TBC1D10A: variants seen among roughly 807,000 people sequenced by gnomAD.
TBC1D10A encodes the protein TBC1 domain family member 10A.
Under a neutral mutation model 52.9 loss-of-function variants are expected in TBC1D10A, and 24 were observed. The observed-to-expected ratio is 0.45, with a 90% CI of 0.33 to 0.64. TBC1D10A has a LOEUF of 0.64. Ranked by LOEUF, TBC1D10A falls within the 30% of genes least tolerant of loss-of-function variation. The pLI is 0.02. For synonymous variants in TBC1D10A, 278 were observed against 282.9 expected, an observed-to-expected ratio of 0.98 and a Z score of 0.17; for missense variants, 602 against 687.9, an observed-to-expected ratio of 0.88 and a Z score of 1.40.
At chr22:30,313,550 ATTTTTTTTTTTTTTTTTT>A (rs35640957) in intron 1 of TBC1D10A, among the ~76,000 whole-genome samples, 2 of 42,200 alleles carry the variant, frequency 4.7e-5, no homozygotes, top group Non-Finnish European at 7.4e-5. Flanking sequence ...CGGCCAGCTA[ATTTTTTTTTTTTTTTTTT>A]TTTTTTTTTT....
chr22:30,319,377 T>C (rs1930605392), intron 1 of TBC1D10A, among the ~76,000 whole-genome samples: 1 of 152,266 alleles, frequency 6.6e-6, no homozygotes, highest in South Asian at 2.1e-4. Context: ...TTCAGTTCTA[T>C]ATCTCTTGTC....
chr22:30,299,956 ACT>A (rs1930167338), intron 2 of TBC1D10A, among the ~76,000 whole-genome samples: 1 of 148,766 alleles, frequency 6.7e-6, no homozygotes, highest in Non-Finnish European at 1.5e-5. Flanking sequence ...CAAGAGCAAA[ACT>A]CTGTCTCAAA....
At chr22:30,323,803 T>TA (rs1930708268) in intron 1 of TBC1D10A, among the ~76,000 whole-genome samples, 1 of 152,056 alleles carries the variant, frequency 6.6e-6, no homozygotes, top group African/African-American at 2.4e-5. Context: ...CCATCTCTAC[T>TA]AAAAATATGA....
At chr22:30,308,277 A>AGCCTGCATGCCTGCATGCCTGCCT (rs1555973972) in intron 1 of TBC1D10A, among the ~76,000 whole-genome samples, 2 of 81,170 alleles carry the variant, frequency 2.5e-5, no homozygotes, top group African/African-American at 1.4e-4. Flanking sequence ...GCCTCCACAC[A>AGCCTGCATGCCTGCATGCCTGCCT]GCCTGCATGC....
intron 3 of TBC1D10A, chr22:30,296,085 G>A (rs1930074699): frequency 3.8e-6 from 2 of 527,356 alleles, no homozygotes; most frequent in Non-Finnish European, 6.8e-6. Context: ...TAGGAAGACC[G>A]ATGAGGGCAA....
chr22:30,309,899 C>T (rs1930391065), intron 1 of TBC1D10A, among the ~76,000 whole-genome samples: 1 of 152,194 alleles, frequency 6.6e-6, no homozygotes, highest in South Asian at 2.1e-4. Flanking sequence ...AGTGTCCATG[C>T]TCATCACCTC....
At chr22:30,309,966 C>A (rs1447950726) in intron 1 of TBC1D10A, among the ~76,000 whole-genome samples, 1 of 152,204 alleles carries the variant, frequency 6.6e-6, no homozygotes, top group African/African-American at 2.4e-5. Context: ...CGTCTAAACC[C>A]TCCTCCAAGC....
intron 1 of TBC1D10A, among the ~76,000 whole-genome samples, chr22:30,308,296 C>CCTGCCTGCA (rs879386326): frequency 1.3e-5 from 1 of 76,476 alleles, no homozygotes; most frequent in East Asian, 5.8e-4. Flanking sequence ...GCCTGCATGC[C>CCTGCCTGCA]TGCATGCCTG....
intron 1 of TBC1D10A, among the ~76,000 whole-genome samples, chr22:30,312,737 G>C (rs1205713098): frequency 6.6e-6 from 1 of 152,006 alleles, no homozygotes; most frequent in Non-Finnish European, 1.5e-5. Context: ...CATCATCTTG[G>C]GAAGCATCAT....
chr22:30,292,137 C>A lies in TBC1D10A; in HGVS notation c.*238G>T. 2.3e-6 allele frequency: 1 copy of A among 439,272 alleles called. No individual in the cohort carries two copies. The highest frequency in any genetic ancestry group is 4.0e-6 in the Non-Finnish European group (1 of 249,316). The allele number at this position is 439,272 out of a possible 1,614,324, so 27.2% of individuals were successfully genotyped here. A position where few individuals can be genotyped will look rare whatever the true frequency, so the allele number is the denominator to read the frequency against. ...CTGAAGGAGGCCCCACCCCCCAGGCCCTAGCTTCTGCCTGCCCTGGCTGGG... is the reference window on the plus strand; with the variant it reads ...CTGAAGGAGGCCCCACCCCCCAGGCACTAGCTTCTGCCTGCCCTGGCTGGG... On this transcript the variant is annotated 3_prime_UTR_variant, in exon 9 of 9. Coordinates refer to ENST00000215790, the MANE Select transcript of TBC1D10A (RefSeq NM_031937.3).
intron 2 of TBC1D10A, chr22:30,299,939 C>A (rs1159236859): frequency 6.2e-6 from 1 of 162,246 alleles, no homozygotes; most frequent in African/African-American, 2.4e-5. Context: ...GCCCTCCAGC[C>A]GGGTGACAAG....
chr22:30,326,691 G>A lies in TBC1D10A; in HGVS notation c.191C>T (p.Ser64Leu), dbSNP rs906073752. The A allele has an allele frequency of 5.8e-6, 9 of 1,550,572 alleles. No individual in the cohort carries two copies. The East Asian group carries it at 2.1e-4, about 36-fold the overall frequency. ...TACTCACGCGCCCTCGGCGCCCTGC[G>A]AGCCCACGATGAAGCCGAACTTGTC... ...RIDKFGFIVG[S>L]QGAEGALEEV... The change falls in exon 1 of 9, where the codon TCG (serine) becomes TTG (leucine). Residue 64 changes from serine (S) to leucine (L), a missense_variant. Ser to Leu is a moderately radical substitution (Grantham distance 145, BLOSUM62 -2). Transcript: ENST00000215790.
intron 6 of TBC1D10A, 117 bp from the exon 7 acceptor site, chr22:30,294,227 G>C: frequency 8.5e-7 from 1 of 1,172,986 alleles, no homozygotes; most frequent in Non-Finnish European, 1.2e-6. Context: ...ACCGCCTGCA[G>C]GGTGTCTGCC....
chr22:30,304,182 G>A (rs780687333), intron 2 of TBC1D10A, among the ~76,000 whole-genome samples: 3 of 152,178 alleles, frequency 2.0e-5, no homozygotes, highest in Non-Finnish European at 4.4e-5. Flanking sequence ...TTCCATACAC[G>A]CTAGTTACTG....
At chr22:30,322,666 C>T (rs557649330) in intron 1 of TBC1D10A, among the ~76,000 whole-genome samples, 2 of 126,146 alleles carry the variant, frequency 1.6e-5, no homozygotes, top group African/African-American at 6.1e-5. Flanking sequence ...GTGATTTCAG[C>T]TCACGGTAAC....
chr22:30,322,892 G>C (rs1018249681), intron 1 of TBC1D10A, among the ~76,000 whole-genome samples: 3 of 139,774 alleles, frequency 2.1e-5, no homozygotes, highest in Non-Finnish European at 4.7e-5. Flanking sequence ...ACAGCACCTA[G>C]TCTTTTTTTT....
At chr22:30,307,093 G>GC (rs1767229610) in intron 1 of TBC1D10A, among the ~76,000 whole-genome samples, 1 of 152,156 alleles carries the variant, frequency 6.6e-6, no homozygotes, top group Non-Finnish European at 1.5e-5. Context: ...GCCCACAGAG[G>GC]AGCTGTGGGA....
Position 30,326,747 on chromosome 22 carries a change from C to G in TBC1D10A, c.135G>C (p.Ser45=). The G allele has an allele frequency of 6.5e-7, 1 of 1,534,214 alleles. No individual in the cohort carries two copies. The highest frequency in any genetic ancestry group is 1.2e-5 in the South Asian group (1 of 85,184). ...GGCGCTCGGCGAAGCCGTTGGCCTC[C>G]GAGTCAGACCCGAGAGAGCTGAGTT... ...TDELSSLGSD[S]EANGFAERRI... is the part of the protein sequence containing the mutation. Residue 45 remains serine, a synonymous_variant, in exon 1 of 9, where the codon TCG becomes TCC. Coordinates refer to ENST00000215790, the MANE Select transcript of TBC1D10A (RefSeq NM_031937.3).
chr22:30,295,204 TC>T, intron 4 of TBC1D10A, 149 bp from the exon 5 acceptor site: 1 of 744,506 alleles, frequency 1.3e-6, no homozygotes, highest in Non-Finnish European at 2.2e-6. Context: ...GGGGTCAGTC[TC>T]CTACTGGAGC....
Sources: gnomAD v4.1 joint callset for allele counts (sites outside exome capture counted in the v4.1 genomes callset) on GRCh38, gnomAD v4.1.1 for gene constraint, MANE v1.5 for transcripts, NCBI Gene and HGNC (gene_info 2026-07-23, HGNC 2026-07-21) for gene names.